Variants in SYNDIG1L observed in about 807,000 individuals in gnomAD.
SYNDIG1L encodes the protein synapse differentiation inducing 1 like, also known as synapse differentiation-inducing gene protein 1-like.
A neutral mutation model predicts 20.1 loss-of-function variants in SYNDIG1L; 13 were observed. The ratio of observed to expected loss-of-function variants is 0.65; its 90% confidence interval spans 0.42 to 1.03. The LOEUF is 1.03. Ranked by LOEUF, SYNDIG1L falls within the 50% of genes least tolerant of loss-of-function variation. The pLI, the probability that SYNDIG1L is intolerant of heterozygous loss-of-function variation, is 0.00. For synonymous variants in SYNDIG1L, 128 were observed against 129.3 expected (o/e 0.99, Z 0.07); for missense variants, 294 against 305.1 (o/e 0.96, Z 0.27).
the SYNDIG1L span, among the ~76,000 whole-genome samples, chr14:74,441,778 G>C: frequency 6.6e-6 from 1 of 152,154 alleles, no homozygotes; most frequent in African/African-American, 2.4e-5. Flanking sequence ...CTCCCAAAGT[G>C]CTGGGATTAC....
upstream of SYNDIG1L, among the ~76,000 whole-genome samples, chr14:74,430,196 A>G (rs1468292431): frequency 1.3e-5 from 2 of 152,170 alleles, no homozygotes; most frequent in Admixed American, 6.5e-5. Context: ...CAGACTGCAC[A>G]GCTCTGAACT....
chr14:74,410,751 G>A (rs966258516), intron 1 of SYNDIG1L, among the ~76,000 whole-genome samples: 1 of 152,142 alleles, frequency 6.6e-6, no homozygotes, highest in Non-Finnish European at 1.5e-5. Flanking sequence ...CACGGCATGT[G>A]CTCACAGCTG....
chr14:74,471,928 A>G, the SYNDIG1L span: 1 of 152,196 alleles, frequency 6.6e-6, no homozygotes, highest in Admixed American at 6.5e-5. Context: ...ATCTCAGATG[A>G]ATTTTTGTAA....
At chr14:74,462,302 A>G in the SYNDIG1L span, among the ~76,000 whole-genome samples, 90 of 151,516 alleles carry the variant, frequency 5.9e-4, no homozygotes, top group Non-Finnish European at 1.2e-3. Flanking sequence ...TGGCCAACAT[A>G]GTGAAACTCC....
chr14:74,411,797 C>T (rs530082476), intron 1 of SYNDIG1L, among the ~76,000 whole-genome samples: 1 of 152,312 alleles, frequency 6.6e-6, no homozygotes, highest in Admixed American at 6.5e-5. Context: ...TGGCTCTCAG[C>T]TCTGAATCCA....
the SYNDIG1L span, chr14:74,480,141 G>C: frequency 6.3e-7 from 1 of 1,590,870 alleles, no homozygotes; most frequent in Non-Finnish European, 8.5e-7. Flanking sequence ...TTCTGCTACA[G>C]AGCACCTCCT....
the SYNDIG1L span, among the ~76,000 whole-genome samples, chr14:74,470,219 C>G: frequency 2.6e-5 from 4 of 151,816 alleles, no homozygotes; most frequent in Non-Finnish European, 4.4e-5. Flanking sequence ...TTTTTTCACT[C>G]TGTTCTATTT....
chr14:74,474,900 T>C, the SYNDIG1L span: 2 of 152,184 alleles, frequency 1.3e-5, no homozygotes, highest in Non-Finnish European at 2.9e-5. Flanking sequence ...ATTAAAAAAA[T>C]TCATTAAACA....
At chr14:74,477,928 G>T in the SYNDIG1L span, among the ~76,000 whole-genome samples, 2 of 152,222 alleles carry the variant, frequency 1.3e-5, no homozygotes, top group African/African-American at 4.8e-5. Context: ...GTCTGTAGAA[G>T]ACGACCTTTC....
At chr14:74,474,027 A>C in the SYNDIG1L span, 5 of 152,218 alleles carry the variant, frequency 3.3e-5, no homozygotes, top group Non-Finnish European at 5.9e-5. Context: ...TCATCAAGCC[A>C]ATGGGATCTA....
At chr14:74,464,465 G>T in the SYNDIG1L span, among the ~76,000 whole-genome samples, 5 of 152,160 alleles carry the variant, frequency 3.3e-5, no homozygotes, top group African/African-American at 9.7e-5. Context: ...CTGGCACAGG[G>T]TATAGGTTGT....
the SYNDIG1L span, among the ~76,000 whole-genome samples, chr14:74,438,239 T>C: frequency 6.6e-6 from 1 of 152,182 alleles, no homozygotes; most frequent in Non-Finnish European, 1.5e-5. Flanking sequence ...GTGGTTTAGG[T>C]CAGGGTCTTC....
chr14:74,448,916 T>A, the SYNDIG1L span, among the ~76,000 whole-genome samples: 1 of 151,414 alleles, frequency 6.6e-6, no homozygotes, highest in Non-Finnish European at 1.5e-5. Context: ...TTTAAAAAAT[T>A]GGAAAAAAAG....
chr14:74,441,899 G>A, the SYNDIG1L span, among the ~76,000 whole-genome samples: 1 of 152,120 alleles, frequency 6.6e-6, no homozygotes, highest in Non-Finnish European at 1.5e-5. Flanking sequence ...CAGGGAACTG[G>A]TGTCCTTAGA....
chr14:74,439,039 G>T, the SYNDIG1L span, among the ~76,000 whole-genome samples: 740 of 151,576 alleles, frequency 4.9e-3, 9 homozygotes, highest in African/African-American at 0.017. Flanking sequence ...ACTTGAACCC[G>T]GGAGGCAGAG....
the SYNDIG1L span, among the ~76,000 whole-genome samples, chr14:74,454,163 T>TA: frequency 6.6e-6 from 1 of 152,340 alleles, no homozygotes; most frequent in South Asian, 2.1e-4. Context: ...TTACAGAAGT[T>TA]AAACATCTTC....
chr14:74,449,010 T>C, the SYNDIG1L span, among the ~76,000 whole-genome samples: 65 of 152,162 alleles, frequency 4.3e-4, no homozygotes, highest in African/African-American at 1.6e-3. Flanking sequence ...GACAGAAGGA[T>C]CACTTGAGGC....
chr14:74,426,367 G>A (rs1363803015), upstream of SYNDIG1L, among the ~76,000 whole-genome samples: 2 of 151,622 alleles, frequency 1.3e-5, no homozygotes, highest in Non-Finnish European at 3.0e-5. Context: ...AGTCGGGGGA[G>A]CCCGGAGGAG....
the SYNDIG1L span, among the ~76,000 whole-genome samples, chr14:74,466,325 G>A: frequency 6.6e-6 from 1 of 152,144 alleles, no homozygotes; most frequent in East Asian, 1.9e-4. Context: ...AGAACTCCAT[G>A]GATACTGGTT....
Sources: allele counts gnomAD v4.1 joint callset (sites outside exome capture counted in the v4.1 genomes callset), GRCh38; gene constraint gnomAD v4.1.1; transcripts MANE v1.5; gene names NCBI Gene and HGNC (gene_info 2026-07-23, HGNC 2026-07-21).